ABCG1: variants seen among roughly 807,000 people sequenced by gnomAD.
ABCG1 encodes ATP-binding cassette sub-family G member 1.
In ABCG1, 29 loss-of-function variants were observed where a neutral mutation model predicts 69.2. The observed-to-expected ratio is 0.42, with a 90% CI of 0.31 to 0.57. The LOEUF (loss-of-function observed/expected upper bound fraction) is 0.57, where lower values mean the gene tolerates loss of function less well. Among genes scored for constraint, ABCG1 ranks in the 20% least tolerant of loss-of-function variants. The pLI, the probability that ABCG1 is intolerant of heterozygous loss-of-function variation, is 0.15. For missense variants in ABCG1, 718 were observed against 898.1 expected (o/e 0.80, Z 2.56); for synonymous variants, 370 against 374.8 (o/e 0.99, Z 0.15).
In ABCG1 at chr21:42,219,712, C is replaced by T; in HGVS notation, c.42+408C>T. ...AAGAGGGGACTTGAAGAAGGGGAGC[C>T]CCGCGCGCGCGGCTGTGGGCTTGGG... On this transcript the variant is annotated intron_variant, in intron 1 of 14. Coordinates refer to ENST00000398449, the MANE Select transcript of ABCG1 (RefSeq NM_016818.3). The surrounding 1 kb of genome is among the most constrained non-coding windows in gnomAD (Gnocchi z 5.3). The T allele has an allele frequency of 2.0e-6, 2 of 1,010,676 alleles. No individual in the cohort carries two copies. Among genetic ancestry groups the T allele is most frequent in the South Asian group, 1.7e-5 (1 of 58,766 alleles). The allele number at this position is 1,010,676 out of a possible 1,614,324, so 62.6% of individuals were successfully genotyped here. A position where few individuals can be genotyped will look rare whatever the true frequency, so the allele number is the denominator to read the frequency against.
At position 42,276,262 on chromosome 21, in the gene ABCG1, A is replaced by C. The variant is rs2068708805; in HGVS notation, c.538-633A>C. On this transcript the variant is annotated intron_variant, in intron 4 of 14. Coordinates refer to ENST00000398449, the MANE Select transcript of ABCG1 (RefSeq NM_016818.3). The surrounding 1 kb of genome is among the most constrained non-coding windows in gnomAD (Gnocchi z 5.3). ...GGATCTCAAAAAACACAACAACAAC[A>C]AAACGCGGCATCCTGACGTGTCGCC... The C allele has an allele frequency of 6.6e-6, 1 of 152,316 alleles. No homozygotes were observed. Among genetic ancestry groups the C allele is most frequent in the Non-Finnish European group, 1.5e-5 (1 of 68,158 alleles). The allele number at this position is 152,316 out of a possible 1,614,324, so 9.4% of individuals were successfully genotyped here. A position where few individuals can be genotyped will look rare whatever the true frequency, so the allele number is the denominator to read the frequency against.
chr21:42,252,283 G>A (rs976777738), intron 2 of ABCG1, among the ~76,000 whole-genome samples: 6 of 152,192 alleles, frequency 3.9e-5, no homozygotes, highest in Non-Finnish European at 8.8e-5. Context: ...CTACCATTGT[G>A]CCTGTGCTGG....
At chr21:42,226,968 CTTT>C (rs2067826921) in intron 2 of ABCG1, among the ~76,000 whole-genome samples, 1 of 152,150 alleles carries the variant, frequency 6.6e-6, no homozygotes, top group Non-Finnish European at 1.5e-5. Flanking sequence ...TTTCAGTTGT[CTTT>C]CTTCTTTTCC....
chr21:42,269,487 T>C (rs2068576839), intron 2 of ABCG1, among the ~76,000 whole-genome samples: 1 of 152,196 alleles, frequency 6.6e-6, no homozygotes, highest in African/African-American at 2.4e-5. Context: ...CACAGTCCTA[T>C]TGTACGAGCT....
chr21:42,291,106 GGA>G lies in ABCG1; in HGVS notation c.1410_1411del (p.Val471LeufsTer141). 1.2e-6 allele frequency: 2 copies of G among 1,614,000 alleles called. No individual in the cohort carries two copies. The highest frequency in any genetic ancestry group is 1.7e-6 in the Non-Finnish European group (2 of 1,179,886). On this transcript the variant is annotated frameshift_variant, in exon 12 of 15. Transcript: ENST00000398449. LOFTEE classifies it high-confidence loss of function. The surrounding 1 kb of genome is among the most constrained non-coding windows in gnomAD (Gnocchi z 6.4). ...CTATCTCCTAGTTCCCCTGGAGATGGGAGTCTTTCTTCGGGAACACCTGAACT... is the reference window on the plus strand; with the variant it reads ...CTATCTCCTAGTTCCCCTGGAGATGGGTCTTTCTTCGGGAACACCTGAACT... ...PTVLTFPLEMGVFLREHLNYW... is the reference protein window; with the variant it reads ...PTVLTFPLEMXVFLREHLNYW...
chr21:42,296,473 C>A lies in ABCG1; in HGVS notation c.*81C>A. The A allele has an allele frequency of 1.6e-6, 2 of 1,272,520 alleles. No individual in the cohort carries two copies. The highest frequency in any genetic ancestry group is 2.2e-6 in the Non-Finnish European group (2 of 901,502). 78.8% of individuals were successfully genotyped at this position (1,272,520 alleles called of 1,614,324 possible). A position where few individuals can be genotyped will look rare whatever the true frequency, so the allele number is the denominator to read the frequency against. On this transcript the variant is annotated 3_prime_UTR_variant, in exon 15 of 15. Transcript: ENST00000398449. This position sits in a 1 kb window ranked among gnomAD's most constrained non-coding sequence, Gnocchi z 5.4. ...AGAATCGAGGAGGCAAGCCTGTGCCCGACCGACGACACAGAGACTCTTCTG... is the reference window on the plus strand; with the variant it reads ...AGAATCGAGGAGGCAAGCCTGTGCCAGACCGACGACACAGAGACTCTTCTG...
intron 2 of ABCG1, among the ~76,000 whole-genome samples, chr21:42,207,507 T>A (rs560644969): frequency 3.9e-5 from 6 of 152,392 alleles, no homozygotes; most frequent in African/African-American, 1.2e-4. Context: ...TGAAGCATTT[T>A]TATGATGGCT....
intron 2 of ABCG1, among the ~76,000 whole-genome samples, chr21:42,255,711 C>G (rs997116457): frequency 6.6e-6 from 1 of 152,192 alleles, no homozygotes; most frequent in African/African-American, 2.4e-5. Context: ...CTCATTGTTT[C>G]TCCTGGTTTT....
At position 42,276,054 on chromosome 21, in the gene ABCG1, T is replaced by C. The variant is rs1184258798; in HGVS notation, c.538-841T>C. Among the ~76,000 whole-genome samples the C allele has an allele frequency of 2.0e-4, 26 of 130,426 alleles. 1 individual carries two copies. The Admixed American group carries it at 2.5e-3, about 12-fold the overall frequency. The allele number at this position is 130,426 out of a possible 152,430, so 85.6% of individuals were successfully genotyped here. A position where few individuals can be genotyped will look rare whatever the true frequency, so the allele number is the denominator to read the frequency against. On this transcript the variant is annotated intron_variant, in intron 4 of 14. Coordinates refer to ENST00000398449, the MANE Select transcript of ABCG1 (RefSeq NM_016818.3). The surrounding 1 kb of genome is among the most constrained non-coding windows in gnomAD (Gnocchi z 5.3). ...CCTCTCCTCTGATCCTCACAGCAAC[T>C]TCTCTAGCTAATGAGGTGGACAGAG...
At chr21:42,286,095 A>G (rs959791489) in intron 8 of ABCG1, 101 bp downstream of exon 8, 10 of 784,008 alleles carry the variant, frequency 1.3e-5, no homozygotes, top group Non-Finnish European at 2.0e-5. Flanking sequence ...CCACTTGACT[A>G]CCACAAATAG....
chr21:42,232,661 G>T (rs996379215), intron 2 of ABCG1, among the ~76,000 whole-genome samples: 1 of 152,172 alleles, frequency 6.6e-6, no homozygotes, highest in African/African-American at 2.4e-5. Flanking sequence ...CACCTGCATG[G>T]TGGGTGCCCC....
rs141040803 is a variant in ABCG1, at chr21:42,285,885, C to T, written c.864C>T (p.Tyr288=). The T allele has an allele frequency of 2.5e-4, 409 of 1,611,550 alleles. 1 individual carries two copies. The highest frequency in any genetic ancestry group is 3.1e-4 in the Non-Finnish European group (370 of 1,177,796). ...TTCTCCTTCCTTTTTTCCAGCTTTA[C>T]GTCCTGAGTCAAGGACAATGTGTGT... ...AKLFELFDQL[Y]VLSQGQCVYR... The change falls in exon 8 of 15, where the codon TAC becomes TAT. Residue 288 remains tyrosine (Y), a synonymous_variant. Transcript: ENST00000398449.
chr21:42,289,938 C>A (rs115305569), intron 10 of ABCG1, 112 bp from the exon 11 acceptor site: 19 of 1,168,360 alleles, frequency 1.6e-5, no homozygotes, highest in Non-Finnish European at 2.2e-5. Flanking sequence ...AAGTCTAAGA[C>A]GTGCTGTCAC....
rs1601356824 is a variant in ABCG1 at position 42,227,916 on chromosome 21, T to G, written c.286+2002T>G. Among the ~76,000 whole-genome samples the G allele has an allele frequency of 5.3e-5, 8 of 152,196 alleles. No homozygotes were observed. The South Asian group carries it at 1.7e-3, about 32-fold the overall frequency. ...TCTCATGAGAACTCCCTCACTATCATGAGAACAGCATGAGGGAACCGCCCC... is the reference window on the plus strand; with the variant it reads ...TCTCATGAGAACTCCCTCACTATCAGGAGAACAGCATGAGGGAACCGCCCC... On this transcript the variant is annotated intron_variant, in intron 2 of 14. Transcript: ENST00000398449.
chr21:42,280,996 G>A lies in ABCG1; in HGVS notation c.589-1278G>A, dbSNP rs527613280. On this transcript the variant is annotated intron_variant, in intron 5 of 14. Coordinates refer to ENST00000398449, the MANE Select transcript of ABCG1 (RefSeq NM_016818.3). Reference sequence around the variant, plus strand: ...ATCCAGCAGAGGCACCAGGGCTGGGGTGAGGGCATCAGCAAGGAGGTTCAG... The same window carrying A: ...ATCCAGCAGAGGCACCAGGGCTGGGATGAGGGCATCAGCAAGGAGGTTCAG... Among the ~76,000 whole-genome samples, 5 of 152,388 alleles carry A rather than the reference G, an allele frequency of 3.3e-5. No individual in the cohort carries two copies. The South Asian group carries it at 8.3e-4, about 25-fold the overall frequency.
At chr21:42,206,242 C>A (rs1294203767) in intron 2 of ABCG1, among the ~76,000 whole-genome samples, 1 of 152,022 alleles carries the variant, frequency 6.6e-6, no homozygotes, top group Non-Finnish European at 1.5e-5. Flanking sequence ...CCCAGCTACT[C>A]AGGAGGCTGA....
At chr21:42,222,589 C>T (rs2067747237) in intron 1 of ABCG1, among the ~76,000 whole-genome samples, 1 of 152,312 alleles carries the variant, frequency 6.6e-6, no homozygotes, top group Non-Finnish European at 1.5e-5. Flanking sequence ...CCTGGCCACG[C>T]CCTAATCATG....
rs1389383296 is a variant in ABCG1 at position 42,287,778 on chromosome 21, C to T, written c.974-111C>T. On this transcript the variant is annotated intron_variant, in intron 8 of 14. Transcript: ENST00000398449. This position sits in a 1 kb window ranked among gnomAD's most constrained non-coding sequence, Gnocchi z 6.2. ...TCATGCCATTAGCACCGCCACGCAG[C>T]ATCTATGTAATCGCTTTAAAACATT... The T allele has an allele frequency of 6.2e-6, 7 of 1,129,784 alleles. No homozygotes were observed. The highest frequency in any genetic ancestry group is 8.7e-6 in the Non-Finnish European group (7 of 800,428). The allele number at this position is 1,129,784 out of a possible 1,614,324, so 70.0% of individuals were successfully genotyped here.
intron 2 of ABCG1, among the ~76,000 whole-genome samples, chr21:42,258,052 C>T (rs1421242649): frequency 1.1e-5 from 1 of 92,762 alleles, no homozygotes; most frequent in Non-Finnish European, 2.3e-5. Context: ...CCACTCATCC[C>T]TCAACTCACC....
Sources: allele counts gnomAD v4.1 joint callset (sites outside exome capture counted in the v4.1 genomes callset), GRCh38; gene constraint gnomAD v4.1.1; non-coding constraint Gnocchi (gnomAD v3.1); transcripts MANE v1.5; gene names NCBI Gene and HGNC (gene_info 2026-07-23, HGNC 2026-07-21).